The following COMMD5 variants were observed in gnomAD, a reference collection of about 807,000 sequenced individuals.
COMMD5 encodes the protein COMM domain-containing protein 5.
A neutral mutation model predicts 6.9 loss-of-function variants in COMMD5; 10 were observed. The ratio of observed to expected loss-of-function variants is 1.44; its 90% CI spans 0.89 to 2.45. The LOEUF (loss-of-function observed/expected upper bound fraction) is 2.45. Ranked by LOEUF, COMMD5 falls within the 30% of genes most tolerant of loss-of-function variation. The pLI is 0.00. For synonymous variants in COMMD5, 127 were observed against 125.3 expected (o/e 1.01, Z -0.09); for missense variants, 234 against 287.8 (o/e 0.81, Z 1.35).
chr8:144,838,415 G>A, downstream of COMMD5: 1 of 442,362 alleles, frequency 2.3e-6, no homozygotes, highest in Non-Finnish European at 4.1e-6. Flanking sequence ...CTCCTGCTGG[G>A]CAGGCGCCCG....
At chr8:144,838,298 G>T, downstream of COMMD5, 1 of 585,276 alleles carries the variant, frequency 1.7e-6, no homozygotes. Context: ...AATCTGCAAC[G>T]ACTGTGTTTC....
exon 2 of COMMD5, chr8:144,841,554 A>G: frequency 6.2e-7 from 1 of 1,614,134 alleles, no homozygotes; most frequent in South Asian, 1.1e-5. Flanking sequence ...TTACCTTCCA[A>G]AATAACTGTT....
chr8:144,843,924 G>GAACTT (rs1281798655), intron 1 of COMMD5, among the ~76,000 whole-genome samples: 2 of 152,288 alleles, frequency 1.3e-5, no homozygotes, highest in Admixed American at 6.5e-5. Flanking sequence ...CCTTGTCTTA[G>GAACTT]AACTTAACCC....
rs192180065 is a variant in COMMD5 at position 144,851,390 on chromosome 8, A to T, written c.-52T>A. 1.9e-6 allele frequency: 3 copies of T among 1,556,566 alleles called. No individual in the cohort carries two copies. Among genetic ancestry groups the T allele is most frequent in the African/African-American group, 2.7e-5 (2 of 73,798 alleles). ...AGCCCAGGAGGTCGGTCCCAGATGC[A>T]GATGCCTAGAGTGGGGTGGAGGAGA... is the stretch of plus-strand genomic sequence containing the variant. On this transcript the variant is annotated 5_prime_UTR_variant, in exon 2 of 2. Transcript: ENST00000305103.
downstream of COMMD5, among the ~76,000 whole-genome samples, chr8:144,849,008 G>C (rs1830627066): frequency 6.6e-6 from 1 of 152,222 alleles, no homozygotes; most frequent in South Asian, 2.1e-4. Flanking sequence ...CCCAATGAGA[G>C]ACGGCGAGAG....
chr8:144,838,170 C>A (rs978639101), downstream of COMMD5: 1 of 702,558 alleles, frequency 1.4e-6, no homozygotes, highest in African/African-American at 1.7e-5. Flanking sequence ...CTCTGATCTC[C>A]GACTCCTTCA....
rs775014077 is a variant in COMMD5 at position 144,851,066 on chromosome 8, T to G, written c.273A>C (p.Thr91=). 6.2e-7 allele frequency: 1 copy of G among 1,612,484 alleles called. No individual in the cohort carries two copies. The highest frequency in any genetic ancestry group is 8.5e-7 in the Non-Finnish European group (1 of 1,179,814). ...GCAGACGGAGGGCCTGCTGGAGCAG[T>G]GTGTGCATGCCTGCCAGCAGGGCAC... is the stretch of plus-strand genomic sequence containing the variant. ...QLGALLAGMH[T]LLQQALRLPP... The change falls in exon 2 of 2, where the codon ACA becomes ACC. Residue 91 remains threonine, a synonymous_variant. Coordinates refer to ENST00000305103, the MANE Select transcript of COMMD5 (RefSeq NM_014066.4).
downstream of COMMD5, chr8:144,838,363 G>T (rs1829334969): frequency 3.6e-6 from 2 of 555,828 alleles, no homozygotes; most frequent in Admixed American, 3.2e-5. Context: ...CTATCTTGGG[G>T]TCCTCAGCCC....
At chr8:144,848,236 G>A (rs958082296), downstream of COMMD5, among the ~76,000 whole-genome samples, 15 of 151,936 alleles carry the variant, frequency 9.9e-5, no homozygotes, top group East Asian at 1.9e-3. Flanking sequence ...AGCCCAGGAG[G>A]TTGAGGCTAC....
downstream of COMMD5, chr8:144,838,002 T>C (rs144376530): frequency 2.8e-4 from 197 of 693,064 alleles, 1 homozygote; most frequent in East Asian, 5.2e-3. Context: ...ATTTATTGTC[T>C]CACAGCTGTG....
downstream of COMMD5, among the ~76,000 whole-genome samples, chr8:144,849,883 C>G (rs1369291481): frequency 6.6e-6 from 1 of 152,036 alleles, no homozygotes; most frequent in Non-Finnish European, 1.5e-5. Flanking sequence ...CAGAATTGAG[C>G]CAAAGTCCTT....
chr8:144,848,413 C>G (rs1830605502), downstream of COMMD5, among the ~76,000 whole-genome samples: 1 of 151,182 alleles, frequency 6.6e-6, no homozygotes, highest in African/African-American at 2.4e-5. Context: ...ATGAGAATTG[C>G]TTGAACCTGG....
chr8:144,842,251 A>G, intron 1 of COMMD5: 1 of 1,614,144 alleles, frequency 6.2e-7, no homozygotes, highest in Non-Finnish European at 8.5e-7. Flanking sequence ...CCAGCATCAA[A>G]GGATGCATAC....
downstream of COMMD5, chr8:144,845,861 A>G: frequency 3.1e-6 from 3 of 952,836 alleles, no homozygotes; most frequent in Non-Finnish European, 4.7e-6. Context: ...GTATGTGTGC[A>G]GTGTCCCTGC....
chr8:144,843,124 C>T (rs146442659), intron 1 of COMMD5: 43 of 1,609,774 alleles, frequency 2.7e-5, no homozygotes, highest in Non-Finnish European at 3.3e-5. Context: ...AGCTTTTAAT[C>T]GTAGCTCAAG....
At chr8:144,839,408 C>A (rs924830292), downstream of COMMD5, among the ~76,000 whole-genome samples, 4 of 152,254 alleles carry the variant, frequency 2.6e-5, no homozygotes, top group Non-Finnish European at 5.9e-5. Context: ...CTCAGTCTCC[C>A]TGAGAAGGAG....
In COMMD5 at chr8:144,850,809, A is replaced by G; in HGVS notation, c.530T>C (p.Leu177Pro). 6.2e-7 allele frequency: 1 copy of G among 1,614,024 alleles called. No homozygotes were observed. The highest frequency in any genetic ancestry group is 1.7e-4 in the Middle Eastern group (1 of 6,060). ...CCCATCTGAAAGCTTCAGCTGCATC[A>G]GGACGCTCGGCTGCAGGGAGCGAGC... Reference protein sequence around the residue: ...ALARSLQPSVLMQLKLSDGSA... With the variant: ...ALARSLQPSVPMQLKLSDGSA... The change falls in exon 2 of 2, where the codon CTG becomes CCG. Residue 177 changes from leucine (L) to proline (P), a missense_variant. Transcript: ENST00000305103. The surrounding 1 kb of genome is among the most constrained non-coding windows in gnomAD (Gnocchi z 4.0).
chr8:144,850,595 A>G lies in COMMD5; in HGVS notation c.*69T>C, dbSNP rs1830688760. On this transcript the variant is annotated 3_prime_UTR_variant, in exon 2 of 2. Coordinates refer to ENST00000305103, the MANE Select transcript of COMMD5 (RefSeq NM_014066.4). This position sits in a 1 kb window ranked among gnomAD's most constrained non-coding sequence, Gnocchi z 4.0. Reference sequence around the variant, plus strand: ...GGGCAGGGCTGTCGTGGGAAGAGTCAGCTGCACTTTGGCACCATCTCAGGT... The same window carrying G: ...GGGCAGGGCTGTCGTGGGAAGAGTCGGCTGCACTTTGGCACCATCTCAGGT... 1.3e-6 allele frequency: 2 copies of G among 1,529,568 alleles called. No homozygotes were observed. Among genetic ancestry groups the G allele is most frequent in the Non-Finnish European group, 1.8e-6 (2 of 1,126,498 alleles). 94.7% of individuals were successfully genotyped at this position (1,529,568 alleles called of 1,614,324 possible).
chr8:144,842,725 C>T (rs775311498), intron 1 of COMMD5: 2 of 1,614,162 alleles, frequency 1.2e-6, no homozygotes, highest in Admixed American at 1.7e-5. Context: ...GAGCACACAG[C>T]TTACAATACA....
Sources: gnomAD v4.1 joint callset for allele counts (sites outside exome capture counted in the v4.1 genomes callset) on GRCh38, gnomAD v4.1.1 for gene constraint, Gnocchi (gnomAD v3.1) non-coding constraint, MANE v1.5 for transcripts, NCBI Gene and HGNC (gene_info 2026-07-23, HGNC 2026-07-21) for gene names.